Variants in ABCA9 observed in about 807,000 individuals in gnomAD.
The protein encoded by ABCA9 is ATP binding cassette subfamily A member 9.
Under a neutral mutation model 205.3 loss-of-function variants are expected in ABCA9, and 183 were observed. The ratio of observed to expected loss-of-function variants is 0.89; its 90% CI spans 0.79 to 1.01. The LOEUF (loss-of-function observed/expected upper bound fraction) is 1.01, where lower values mean the gene tolerates loss of function less well. Among genes scored for constraint, ABCA9 ranks in the 50% least tolerant of loss-of-function variants. The probability of loss-of-function intolerance (pLI) is 0.00; values close to 1 mark genes in which losing one functional copy is unlikely to be tolerated. For synonymous variants in ABCA9, 651 were observed against 683.3 expected (o/e 0.95, Z 0.74); for missense variants, 1,805 against 1,912.4 (o/e 0.94, Z 1.05).
intron 1 of ABCA9, among the ~76,000 whole-genome samples, chr17:69,054,806 G>A (rs1416876638): frequency 6.6e-6 from 1 of 151,904 alleles, no homozygotes; most frequent in Non-Finnish European, 1.5e-5. Flanking sequence ...GGGACAGGAG[G>A]GAGGAGGAAT....
In ABCA9 at chr17:68,984,879, C is replaced by T. The variant is rs1343855107; in HGVS notation, c.4379+6G>A. ...CATGCAGAGGTTGCTCATGATAGCA[C>T]CTCACCACATTTGCTGCTGCCCCTC... On this transcript the variant is annotated splice_donor_region_variant and intron_variant, in intron 34 of 38. Transcript: ENST00000340001. 1.9e-6 allele frequency: 3 copies of T among 1,614,148 alleles called. No homozygotes were observed. The South Asian group carries it at 3.3e-5, about 18-fold the overall frequency.
intron 12 of ABCA9, 68 bp from the exon 13 acceptor site, chr17:69,027,883 T>C: frequency 8.2e-7 from 1 of 1,219,824 alleles, no homozygotes; most frequent in African/African-American, 1.5e-5. Context: ...TCTTTTAAAA[T>C]GGAAAACACT....
rs781565554 is a variant in ABCA9 at position 69,036,871 on chromosome 17, C to CAAAAA, written c.801-1075_801-1071dup. On this transcript the variant is annotated intron_variant, in intron 6 of 38. Transcript: ENST00000340001. Reference sequence around the variant, plus strand: ...GAATATTTACCAAGTAAATGGAAAGCAAAAAAAAAAAAAAAAAAAAAAAAA... The same window carrying CAAAAA: ...GAATATTTACCAAGTAAATGGAAAGCAAAAAAAAAAAAAAAAAAAAAAAAAAAAAA... 5.3e-3 allele frequency among the ~76,000 whole-genome samples: 25 copies of CAAAAA among 4,714 alleles called. 8 individuals carry two copies. Among genetic ancestry groups the CAAAAA allele is most frequent in the South Asian group, 0.031 (2 of 64 alleles). The allele number at this position is 4,714 out of a possible 152,430, so 3.1% of individuals were successfully genotyped here. A position where few individuals can be genotyped will look rare whatever the true frequency, so the allele number is the denominator to read the frequency against.
In ABCA9 at chr17:69,028,716, A is replaced by AT. The variant is rs545622084; in HGVS notation, c.1505-72dup. 4.9e-4 allele frequency: 434 copies of AT among 881,486 alleles called. 3 individuals are homozygous for AT. In the African/African-American group the frequency reaches 6.6e-3, roughly 13 times the overall value. 54.6% of individuals were successfully genotyped at this position (881,486 alleles called of 1,614,324 possible). On this transcript the variant is annotated intron_variant, in intron 11 of 38. Transcript: ENST00000340001. ...CTTTACAGTCTCTGAAACTGTTGTA[A>AT]TTTTTTGCAGCATGAATAGATTGAG...
chr17:69,039,113 A>G (rs932822182), intron 6 of ABCA9, among the ~76,000 whole-genome samples: 1 of 152,228 alleles, frequency 6.6e-6, no homozygotes, highest in Non-Finnish European at 1.5e-5. Flanking sequence ...AGGAAGAATC[A>G]ATATTGTGAA....
chr17:68,984,180 A>C lies in ABCA9; in HGVS notation c.4380-5T>G. The stretch of plus-strand genomic sequence containing the variant: ...AAGGTGGCCCGAATCACCTGCCTAA[A>C]GTTAAGTCAAGAGAAAACGTGAACT... On this transcript the variant is annotated splice_polypyrimidine_tract_variant and splice_region_variant and intron_variant, in intron 34 of 38. Coordinates refer to ENST00000340001, the MANE Select transcript of ABCA9 (RefSeq NM_080283.4). 6.2e-7 allele frequency: 1 copy of C among 1,613,700 alleles called. No individual in the cohort carries two copies. Among genetic ancestry groups the C allele is most frequent in the Non-Finnish European group, 8.5e-7 (1 of 1,179,862 alleles).
intron 26 of ABCA9, among the ~76,000 whole-genome samples, chr17:68,995,139 C>T (rs2069575660): frequency 6.6e-6 from 1 of 152,196 alleles, no homozygotes; most frequent in Admixed American, 6.5e-5. Flanking sequence ...TGTCATCTTT[C>T]TAGAACTCAC....
At position 69,027,385 on chromosome 17, in the gene ABCA9, C is replaced by A. The variant is rs1165719244; in HGVS notation, c.1856G>T (p.Ser619Ile). The A allele has an allele frequency of 6.2e-7, 1 of 1,613,342 alleles. No homozygotes were observed. The highest frequency in any genetic ancestry group is 1.7e-5 in the Admixed American group (1 of 59,958). The change falls in exon 14 of 39, where the codon AGT (serine) becomes ATT (isoleucine). Residue 619 changes from serine (S) to isoleucine (I), a missense_variant. Transcript: ENST00000340001. ...NIQDILAQNL[S>I]GGQNRKLTFG... ...AGTTAGTTTCCTATTTTGTCCACCA[C>A]TTAAGTTTTGAGCAAGGATGTCTTG...
chr17:69,046,912 T>TAA (rs1567971352), intron 3 of ABCA9, among the ~76,000 whole-genome samples: 1 of 121,734 alleles, frequency 8.2e-6, no homozygotes, highest in African/African-American at 3.0e-5. Flanking sequence ...TATATATATA[T>TAA]AAAATTTTAT....
rs540205311 is a variant in ABCA9 at position 69,041,875 on chromosome 17, C to T, written c.800+1614G>A. On this transcript the variant is annotated intron_variant, in intron 6 of 38. Coordinates refer to ENST00000340001, the MANE Select transcript of ABCA9 (RefSeq NM_080283.4). ...AATTCATCTTCTCCACTTCTCCACC[C>T]GGTATATTGAACACTTGTGTAGAAA... Among the ~76,000 whole-genome samples, 43 of 152,164 alleles carry T rather than the reference C, an allele frequency of 2.8e-4. No individual in the cohort carries two copies. In the East Asian group the frequency reaches 2.9e-3, roughly 10 times the overall value.
chr17:69,006,274 T>C (rs2070122906), intron 25 of ABCA9, among the ~76,000 whole-genome samples: 1 of 152,220 alleles, frequency 6.6e-6, no homozygotes, highest in Admixed American at 6.5e-5. Context: ...GACCTAGTAA[T>C]TCCACTGCTA....
chr17:69,011,706 TC>T, intron 23 of ABCA9: 1 of 318,626 alleles, frequency 3.1e-6, no homozygotes, highest in Non-Finnish European at 5.8e-6. Flanking sequence ...TGTGAGTAAG[TC>T]TTATAAGTCA....
At chr17:68,981,835 CAAAAA>C (rs398041827) in intron 37 of ABCA9, among the ~76,000 whole-genome samples, 1 of 51,650 alleles carries the variant, frequency 1.9e-5, no homozygotes, top group African/African-American at 8.9e-5. Context: ...AACTCTTTCT[CAAAAA>C]AAAAAAAAAA....
At position 69,023,551 on chromosome 17, in the gene ABCA9, G is replaced by A. The variant is rs1346266417; in HGVS notation, c.2281+663C>T. ...ATGTCATGCTTATTGATTCAAGCAT[G>A]CAGCAATGGCCCCGGTATAATTTCT... On this transcript the variant is annotated intron_variant, in intron 17 of 38. Coordinates refer to ENST00000340001, the MANE Select transcript of ABCA9 (RefSeq NM_080283.4). The surrounding 1 kb of genome is among the most constrained non-coding windows in gnomAD (Gnocchi z 4.2). Among the ~76,000 whole-genome samples the A allele has an allele frequency of 6.6e-6, 1 of 152,150 alleles. No individual in the cohort carries two copies. Among genetic ancestry groups the A allele is most frequent in the Admixed American group, 6.5e-5 (1 of 15,272 alleles).
chr17:68,975,770 A>G lies in ABCA9; in HGVS notation c.*145T>C, dbSNP rs1351204479. The G allele has an allele frequency of 1.5e-5, 10 of 673,584 alleles. No homozygotes were observed. The Admixed American group carries it at 2.6e-4, about 18-fold the overall frequency. 41.7% of individuals were successfully genotyped at this position (673,584 alleles called of 1,614,324 possible). A position where few individuals can be genotyped will look rare whatever the true frequency, so the allele number is the denominator to read the frequency against. On this transcript the variant is annotated 3_prime_UTR_variant, in exon 39 of 39. Coordinates refer to ENST00000340001, the MANE Select transcript of ABCA9 (RefSeq NM_080283.4). ...CCTCACTGACATCGCCTGTTGTCTC[A>G]CTGTAAGAAATACTACTGAGGATAA...
intron 1 of ABCA9, among the ~76,000 whole-genome samples, chr17:69,053,966 C>G (rs1392185717): frequency 2.6e-5 from 4 of 151,806 alleles, no homozygotes; most frequent in East Asian, 1.9e-4. Flanking sequence ...TATAGAGGAG[C>G]AAAAATAAGA....
intron 1 of ABCA9, among the ~76,000 whole-genome samples, chr17:69,053,218 C>T (rs958676502): frequency 2.0e-5 from 3 of 152,172 alleles, no homozygotes; most frequent in African/African-American, 4.8e-5. Context: ...TGGGTGATTC[C>T]CTGGCAACCA....
intron 3 of ABCA9, among the ~76,000 whole-genome samples, chr17:69,047,308 C>T (rs977246071): frequency 2.0e-5 from 3 of 149,344 alleles, no homozygotes; most frequent in Admixed American, 6.7e-5. Flanking sequence ...TCACTGTGAC[C>T]GATCACATGA....
intron 2 of ABCA9, among the ~76,000 whole-genome samples, chr17:69,049,939 T>TA (rs1373327201): frequency 6.6e-6 from 1 of 151,820 alleles, no homozygotes; most frequent in Non-Finnish European, 1.5e-5. Context: ...ATGTTGCTCA[T>TA]AAAAAAACAA....
Sources: allele counts gnomAD v4.1 joint callset (sites outside exome capture counted in the v4.1 genomes callset), GRCh38; gene constraint gnomAD v4.1.1; non-coding constraint Gnocchi (gnomAD v3.1); transcripts MANE v1.5; gene names NCBI Gene and HGNC (gene_info 2026-07-23, HGNC 2026-07-21).